COG6: variants seen among roughly 807,000 people sequenced by gnomAD.
COG6 encodes the protein conserved oligomeric Golgi complex subunit 6.
A neutral mutation model predicts 88.8 loss-of-function variants in COG6; 74 were observed. The observed-to-expected ratio is 0.83, with a 90% confidence interval of 0.69 to 1.01. The LOEUF is 1.01. COG6 is among the 50% of genes least tolerant of loss of function. COG6 has a pLI of 0.00. For missense variants in COG6, 800 were observed against 797.9 expected, an observed-to-expected ratio of 1.00 and a Z score of -0.03; for synonymous variants, 286 against 278.7, an observed-to-expected ratio of 1.03 and a Z score of -0.26.
At position 39,719,290 on chromosome 13, in the gene COG6, A is replaced by C; in HGVS notation, c.1339A>C (p.Met447Leu). Reference protein sequence around the residue: ...GPSSALNQTLMLLREVLASHD... With the variant: ...GPSSALNQTLLLLREVLASHD... ...AAGTTCTGCACTAAATCAGACACTC[A>C]TGTTGCTGCGTGAAGTTTTAGCATC... Residue 447 changes from methionine (M) to leucine (L), a missense_variant, in exon 14 of 19, where the codon ATG becomes CTG. Coordinates refer to ENST00000455146, the MANE Select transcript of COG6 (RefSeq NM_020751.3). 6.2e-7 allele frequency: 1 copy of C among 1,612,868 alleles called. No individual in the cohort carries two copies. The highest frequency in any genetic ancestry group is 8.5e-7 in the Non-Finnish European group (1 of 1,179,172).
In COG6 at chr13:39,752,199, T is replaced by TTACA; in HGVS notation, c.*1107_*1110dup. ...CTATAAAAATGGGTAAGTCCCTAAA[T>TTACA]TACAAATGAGAAAATTGAAGCACAA... On this transcript the variant is annotated 3_prime_UTR_variant, in exon 19 of 19. Coordinates refer to ENST00000455146, the MANE Select transcript of COG6 (RefSeq NM_020751.3). 3 of 1,121,064 alleles carry TTACA rather than the reference T, an allele frequency of 2.7e-6. No individual in the cohort carries two copies. The highest frequency in any genetic ancestry group is 3.4e-6 in the Non-Finnish European group (3 of 876,970). 69.4% of individuals were successfully genotyped at this position (1,121,064 alleles called of 1,614,324 possible).
In COG6 at chr13:39,786,791, C is replaced by T. The variant is rs560886835; in HGVS notation, c.1827-1544C>T. 3.9e-5 allele frequency among the ~76,000 whole-genome samples: 6 copies of T among 152,210 alleles called. No individual in the cohort carries two copies. The East Asian group carries it at 9.7e-4, about 25-fold the overall frequency. Reference sequence around the variant, plus strand: ...CTATTAACTCATTGCTGAAATGAAGCAAAACTTTTACTTGTTGGTTGACTG... The same window carrying T: ...CTATTAACTCATTGCTGAAATGAAGTAAAACTTTTACTTGTTGGTTGACTG... On this transcript the variant is annotated intron_variant, in intron 18 of 18. Coordinates refer to the COG6 transcript ENST00000416691.
At chr13:39,662,440 T>A (rs1874967094) in intron 3 of COG6, among the ~76,000 whole-genome samples, 3 of 152,158 alleles carry the variant, frequency 2.0e-5, no homozygotes. Context: ...CCTTTATATT[T>A]TCTTTGCACC....
intron 8 of COG6, 98 bp downstream of exon 8, chr13:39,682,362 G>A: frequency 1.4e-6 from 1 of 712,854 alleles, no homozygotes; most frequent in South Asian, 1.6e-5. Flanking sequence ...AATAGTTTGA[G>A]TAATATTTAT....
chr13:39,726,810 T>C (rs1165166632), intron 17 of COG6, among the ~76,000 whole-genome samples: 2 of 152,034 alleles, frequency 1.3e-5, no homozygotes, highest in Non-Finnish European at 2.9e-5. Flanking sequence ...TCAATCCACT[T>C]ACTTAATGTA....
At chr13:39,682,848 G>A (rs939567068) in intron 8 of COG6, among the ~76,000 whole-genome samples, 2 of 151,690 alleles carry the variant, frequency 1.3e-5, no homozygotes, top group Non-Finnish European at 2.9e-5. Flanking sequence ...TAAAATAAAA[G>A]GTAAATACTT....
At chr13:39,671,154 GA>G (rs1412077479) in intron 4 of COG6, among the ~76,000 whole-genome samples, 1 of 151,918 alleles carries the variant, frequency 6.6e-6, no homozygotes, top group East Asian at 1.9e-4. Flanking sequence ...TATTGGACTG[GA>G]AATAAAAATT....
chr13:39,680,588 G>A (rs1277144403), intron 7 of COG6, among the ~76,000 whole-genome samples: 1 of 152,186 alleles, frequency 6.6e-6, no homozygotes, highest in African/African-American at 2.4e-5. Context: ...TGTTTCTGTA[G>A]GCTTTAAGGG....
intron 13 of COG6, among the ~76,000 whole-genome samples, chr13:39,703,534 T>C (rs780833621): frequency 2.6e-5 from 4 of 152,206 alleles, no homozygotes; most frequent in Non-Finnish European, 5.9e-5. Context: ...TTGCCTGTAG[T>C]ATTTTCTGAC....
At chr13:39,694,813 G>A in intron 12 of COG6, 88 bp downstream of exon 12, 1 of 714,524 alleles carries the variant, frequency 1.4e-6, no homozygotes, top group Non-Finnish European at 2.5e-6. Flanking sequence ...TTTATATTGT[G>A]TATAGTAATT....
rs538100049 is a variant in COG6, at chr13:39,738,066, ATCTT to A, written c.1826+10523_1826+10526del. ...AGGATGGTGTAGGCAATTCAAGACT[ATCTT>A]TCTTATCCTCTTTAGTGCCTCTTTC... On this transcript the variant is annotated intron_variant, in intron 18 of 18. Coordinates refer to ENST00000455146, the MANE Select transcript of COG6 (RefSeq NM_020751.3). Among the ~76,000 whole-genome samples the A allele has an allele frequency of 1.4e-4, 22 of 152,226 alleles. 1 individual carries two copies. In the South Asian group the frequency reaches 4.6e-3, roughly 32 times the overall value.
chr13:39,733,974 C>CT (rs1411801558), intron 18 of COG6, among the ~76,000 whole-genome samples: 1 of 152,006 alleles, frequency 6.6e-6, no homozygotes, highest in Admixed American at 6.6e-5. Flanking sequence ...GTGATGTCTC[C>CT]TTTTTCATCT....
intron 13 of COG6, among the ~76,000 whole-genome samples, chr13:39,708,112 G>A (rs938655416): frequency 8.5e-5 from 13 of 152,054 alleles, no homozygotes; most frequent in Admixed American, 3.3e-4. Context: ...CTTGTAGTTT[G>A]CATTTTTCTC....
chr13:39,756,597 A>G (rs951747275), downstream of COG6, among the ~76,000 whole-genome samples: 20 of 152,164 alleles, frequency 1.3e-4, no homozygotes, highest in African/African-American at 4.6e-4. Flanking sequence ...TTATAAGCCA[A>G]AGGCTAAGAG....
intron 13 of COG6, among the ~76,000 whole-genome samples, chr13:39,708,495 T>G (rs1878063176): frequency 6.6e-6 from 1 of 152,192 alleles, no homozygotes; most frequent in East Asian, 1.9e-4. Context: ...TATTTTTCTC[T>G]AAGAAGCTTG....
At chr13:39,748,911 A>G (rs1253880739) in intron 18 of COG6, among the ~76,000 whole-genome samples, 2 of 152,078 alleles carry the variant, frequency 1.3e-5, no homozygotes, top group Admixed American at 1.3e-4. Context: ...CCATCCAACT[A>G]TTTTCTTTTC....
intron 18 of COG6, among the ~76,000 whole-genome samples, chr13:39,736,392 T>G (rs1188194968): frequency 6.6e-6 from 1 of 152,146 alleles, no homozygotes; most frequent in Non-Finnish European, 1.5e-5. Flanking sequence ...TAAAGTTACC[T>G]GATAAGGTTC....
intron 13 of COG6, among the ~76,000 whole-genome samples, chr13:39,709,162 A>G (rs2138055064): frequency 6.6e-6 from 1 of 152,332 alleles, no homozygotes; most frequent in South Asian, 2.1e-4. Flanking sequence ...CAGTCAACGT[A>G]GATTAACCTG....
At chr13:39,710,293 G>T (rs1878167539) in intron 13 of COG6, among the ~76,000 whole-genome samples, 2 of 151,960 alleles carry the variant, frequency 1.3e-5, no homozygotes, top group East Asian at 3.9e-4. Flanking sequence ...TTACACATAT[G>T]TATTTCTAGT....
Sources: allele counts gnomAD v4.1 joint callset (sites outside exome capture counted in the v4.1 genomes callset), GRCh38; gene constraint gnomAD v4.1.1; transcripts MANE v1.5; gene names NCBI Gene and HGNC (gene_info 2026-07-23, HGNC 2026-07-21).